The following MAP3K10 variants were observed in gnomAD, a reference collection of about 807,000 sequenced individuals.
The protein encoded by MAP3K10 is mitogen-activated protein kinase kinase kinase 10.
Under a neutral mutation model 75.0 loss-of-function variants are expected in MAP3K10, and 22 were observed. That is an observed-to-expected ratio of 0.29 (90% CI 0.21 to 0.42). The LOEUF is 0.42. MAP3K10 is among the 10% of genes least tolerant of loss of function. The pLI, the probability that MAP3K10 is intolerant of heterozygous loss-of-function variation, is 1.00. For missense variants in MAP3K10, 1,165 were observed against 1,379.8 expected, an observed-to-expected ratio of 0.84 and a Z score of 2.47; for synonymous variants, 599 against 612.9, an observed-to-expected ratio of 0.98 and a Z score of 0.34.
rs1972823335 is a variant in MAP3K10, at chr19:40,191,994, G to A, written c.-38G>A. ...GCCCTCTGCATCCCGCGGGCAGCCT[G>A]TGTGAAGCGGCCTCCCGCAGCCCCC... is the stretch of plus-strand genomic sequence containing the variant. On this transcript the variant is annotated 5_prime_UTR_variant, in exon 1 of 10. In the 5' UTR this introduces an upstream ATG that the reference lacks. Transcript: ENST00000253055. 2.2e-6 allele frequency: 3 copies of A among 1,342,466 alleles called. No homozygotes were observed. Among genetic ancestry groups the A allele is most frequent in the Non-Finnish European group, 2.9e-6 (3 of 1,029,774 alleles). The allele number at this position is 1,342,466 out of a possible 1,614,324, so 83.2% of individuals were successfully genotyped here.
chr19:40,214,002 T>TACC lies in MAP3K10; in HGVS notation c.2323_2324insACC (p.Ser775delinsTyrPro). The TACC allele has an allele frequency of 1.1e-5, 17 of 1,493,658 alleles. No homozygotes were observed. Among genetic ancestry groups the TACC allele is most frequent in the East Asian group, 5.3e-5 (2 of 37,788 alleles). The allele number at this position is 1,493,658 out of a possible 1,614,324, so 92.5% of individuals were successfully genotyped here. A position where few individuals can be genotyped will look rare whatever the true frequency, so the allele number is the denominator to read the frequency against. Reference sequence around the variant, plus strand: ...TGACGAGGCCGCACCGGCCGCGCCCTCCCCACCACCCTCCCCGCCCGCGCC... The same window carrying TACC: ...TGACGAGGCCGCACCGGCCGCGCCCTACCCCCCACCACCCTCCCCGCCCGCGCC... On this transcript the variant is annotated protein_altering_variant, in exon 9 of 10. Coordinates refer to ENST00000253055, the MANE Select transcript of MAP3K10 (RefSeq NM_002446.4).
rs775129430 is a variant in MAP3K10, at chr19:40,214,177, C to T, written c.2498C>T (p.Ala833Val). Residue 833 changes from alanine (A) to valine (V), a missense_variant, in exon 9 of 10, where the codon GCG (alanine) becomes GTG (valine). Ala to Val is a moderately conservative substitution (Grantham distance 64, BLOSUM62 0). Coordinates refer to ENST00000253055, the MANE Select transcript of MAP3K10 (RefSeq NM_002446.4). Reference protein sequence around the residue: ...RGHRRTPSDGALGQRGPPEPA... With the variant: ...RGHRRTPSDGVLGQRGPPEPA... ...CACCGGCGGACGCCATCGGACGGGGCGCTGGGGCAGCGGGGGCCGCCCGAG... is the reference window on the plus strand; with the variant it reads ...CACCGGCGGACGCCATCGGACGGGGTGCTGGGGCAGCGGGGGCCGCCCGAG... 2 of 1,484,384 alleles carry T rather than the reference C, an allele frequency of 1.3e-6. No homozygotes were observed. Among genetic ancestry groups the T allele is most frequent in the Non-Finnish European group, 1.8e-6 (2 of 1,126,996 alleles). 92.0% of individuals were successfully genotyped at this position (1,484,384 alleles called of 1,614,324 possible). A position where few individuals can be genotyped will look rare whatever the true frequency, so the allele number is the denominator to read the frequency against.
Position 40,213,301 on chromosome 19 carries a change from C to T in MAP3K10, c.1837+113C>T. The T allele has an allele frequency of 6.9e-7, 1 of 1,451,896 alleles. No homozygotes were observed. Among genetic ancestry groups the T allele is most frequent in the Non-Finnish European group, 9.0e-7 (1 of 1,105,916 alleles). 89.9% of individuals were successfully genotyped at this position (1,451,896 alleles called of 1,614,324 possible). A position where few individuals can be genotyped will look rare whatever the true frequency, so the allele number is the denominator to read the frequency against. On this transcript the variant is annotated intron_variant, in intron 8 of 9. Coordinates refer to ENST00000253055, the MANE Select transcript of MAP3K10 (RefSeq NM_002446.4). This position sits in a 1 kb window ranked among gnomAD's most constrained non-coding sequence, Gnocchi z 5.7. ...CTGGGCCAGTGAGTGGAAGGCCTTCCTGGGAAGGGAGATGGTGGCCCCTGG... is the reference window on the plus strand; with the variant it reads ...CTGGGCCAGTGAGTGGAAGGCCTTCTTGGGAAGGGAGATGGTGGCCCCTGG...
Position 40,204,395 on chromosome 19 carries a change from G to A in MAP3K10, c.864-90G>A. 1 of 1,448,722 alleles carries A rather than the reference G, an allele frequency of 6.9e-7. No homozygotes were observed. The highest frequency in any genetic ancestry group is 1.3e-5 in the South Asian group (1 of 76,038). The allele number at this position is 1,448,722 out of a possible 1,614,324, so 89.7% of individuals were successfully genotyped here. ...GCCGGGGGTGGCTGTTGGGGTGAGGGCAGCCCTGCATGGGACCAAGGGCAG... is the reference window on the plus strand; with the variant it reads ...GCCGGGGGTGGCTGTTGGGGTGAGGACAGCCCTGCATGGGACCAAGGGCAG... On this transcript the variant is annotated intron_variant, in intron 2 of 9. Coordinates refer to ENST00000253055, the MANE Select transcript of MAP3K10 (RefSeq NM_002446.4). This position sits in a 1 kb window ranked among gnomAD's most constrained non-coding sequence, Gnocchi z 4.3.
Position 40,204,438 on chromosome 19 carries a change from G to A in MAP3K10, c.864-47G>A. On this transcript the variant is annotated intron_variant, in intron 2 of 9. Transcript: ENST00000253055. The surrounding 1 kb of genome is among the most constrained non-coding windows in gnomAD (Gnocchi z 4.3). Reference sequence around the variant, plus strand: ...AAGGGCAGGGCTGGGTATAGGTGAGGATTGGGGTGGGCTGCGACATCACCC... The same window carrying A: ...AAGGGCAGGGCTGGGTATAGGTGAGAATTGGGGTGGGCTGCGACATCACCC... 6.3e-7 allele frequency: 1 copy of A among 1,591,412 alleles called. No homozygotes were observed. Among genetic ancestry groups the A allele is most frequent in the Non-Finnish European group, 8.5e-7 (1 of 1,170,878 alleles).
chr19:40,213,709 G>A lies in MAP3K10; in HGVS notation c.2030G>A (p.Gly677Asp). The A allele has an allele frequency of 9.3e-7, 1 of 1,075,248 alleles. No homozygotes were observed. Among genetic ancestry groups the A allele is most frequent in the Non-Finnish European group, 1.1e-6 (1 of 887,026 alleles). The allele number at this position is 1,075,248 out of a possible 1,614,324, so 66.6% of individuals were successfully genotyped here. A position where few individuals can be genotyped will look rare whatever the true frequency, so the allele number is the denominator to read the frequency against. The part of the protein sequence containing the change: ...ARRRCDLALL[G>D]CATLLGAVGL... The stretch of plus-strand genomic sequence containing the variant: ...CGGCGCTGCGACCTGGCGCTGCTAG[G>A]CTGCGCCACGCTGCTGGGGGCTGTG... The change falls in exon 9 of 10, where the codon GGC (glycine) becomes GAC (aspartate). Residue 677 changes from glycine to aspartate, a missense_variant. Transcript: ENST00000253055. This position sits in a 1 kb window ranked among gnomAD's most constrained non-coding sequence, Gnocchi z 5.7.
rs892368448 is a variant in MAP3K10, at chr19:40,214,869, C to T, written c.2543-101C>T. On this transcript the variant is annotated intron_variant, in intron 9 of 9. Transcript: ENST00000253055. Reference sequence around the variant, plus strand: ...GATGCAGCAAGATCCACGGATTTCTCGAGAGAAACCAGAACTTGTGCTTTT... The same window carrying T: ...GATGCAGCAAGATCCACGGATTTCTTGAGAGAAACCAGAACTTGTGCTTTT... 9 of 646,730 alleles carry T rather than the reference C, an allele frequency of 1.4e-5. 1 individual carries two copies. Among genetic ancestry groups the T allele is most frequent in the South Asian group, 7.2e-5 (4 of 55,330 alleles). 40.1% of individuals were successfully genotyped at this position (646,730 alleles called of 1,614,324 possible).
In MAP3K10 at chr19:40,204,339, G is replaced by A; in HGVS notation, c.864-146G>A. 1.3e-6 allele frequency: 1 copy of A among 776,880 alleles called. No homozygotes were observed. Among genetic ancestry groups the A allele is most frequent in the South Asian group, 2.1e-5 (1 of 46,978 alleles). 48.1% of individuals were successfully genotyped at this position (776,880 alleles called of 1,614,324 possible). On this transcript the variant is annotated intron_variant, in intron 2 of 9. Coordinates refer to ENST00000253055, the MANE Select transcript of MAP3K10 (RefSeq NM_002446.4). The surrounding 1 kb of genome is among the most constrained non-coding windows in gnomAD (Gnocchi z 4.3). ...CCATCTATTGGAGAACAAGGCCATG[G>A]AGGTCAAAGCAAGTTCTTGTGACCT... is the stretch of plus-strand genomic sequence containing the variant.
At chr19:40,197,121 C>T (rs900248017) in intron 1 of MAP3K10, among the ~76,000 whole-genome samples, 8 of 152,188 alleles carry the variant, frequency 5.3e-5, no homozygotes, top group Non-Finnish European at 1.2e-4. Context: ...AGGCTGGGCT[C>T]AGCTGGAGAG....
At position 40,191,798 on chromosome 19, in the gene MAP3K10, C is replaced by T. The variant is rs1375018664; in HGVS notation, c.-234C>T. On this transcript the variant is annotated 5_prime_UTR_variant, in exon 1 of 10. Coordinates refer to ENST00000253055, the MANE Select transcript of MAP3K10 (RefSeq NM_002446.4). ...CGTTTGGGGGGCACGGGTGAACCTG[C>T]CGCCCCACTCCCACCCCGCCCCGCC... is the stretch of plus-strand genomic sequence containing the variant. 3.5e-6 allele frequency: 1 copy of T among 284,018 alleles called. No homozygotes were observed. The highest frequency in any genetic ancestry group is 6.5e-6 in the Non-Finnish European group (1 of 153,630). 17.6% of individuals were successfully genotyped at this position (284,018 alleles called of 1,614,324 possible).
Position 40,212,421 on chromosome 19 carries a change from C to T in MAP3K10, c.1553-384C>T, listed in dbSNP as rs1973257028. ...CCCATACCATGGCAGCAAACACTGGCACCAGATAGGTCCAGAGCATTGCAG... is the reference window on the plus strand; with the variant it reads ...CCCATACCATGGCAGCAAACACTGGTACCAGATAGGTCCAGAGCATTGCAG... On this transcript the variant is annotated intron_variant, in intron 6 of 9. Transcript: ENST00000253055. This position sits in a 1 kb window ranked among gnomAD's most constrained non-coding sequence, Gnocchi z 4.2. 6.6e-6 allele frequency among the ~76,000 whole-genome samples: 1 copy of T among 152,180 alleles called. No individual in the cohort carries two copies. Among genetic ancestry groups the T allele is most frequent in the African/African-American group, 2.4e-5 (1 of 41,436 alleles).
In MAP3K10 at chr19:40,213,551, C is replaced by T. The variant is rs771698539; in HGVS notation, c.1872C>T (p.Ser624=). Residue 624 remains serine (S), a synonymous_variant, in exon 9 of 10, where the codon AGC becomes AGT. Transcript: ENST00000253055. The surrounding 1 kb of genome is among the most constrained non-coding windows in gnomAD (Gnocchi z 5.7). ...EFAEAEDGGS[S]VPPSPYSTPS... ...CGGAGGCAGAGGATGGAGGCAGCAGCGTGCCCCCTTCCCCCTACTCGACCC... is the reference window on the plus strand; with the variant it reads ...CGGAGGCAGAGGATGGAGGCAGCAGTGTGCCCCCTTCCCCCTACTCGACCC... 2.5e-6 allele frequency: 4 copies of T among 1,611,516 alleles called. No homozygotes were observed. The highest frequency in any genetic ancestry group is 2.2e-5 in the South Asian group (2 of 90,994).
In MAP3K10 at chr19:40,207,608, G is replaced by A. The variant is rs112878209; in HGVS notation, c.1435+1451G>A. 2.2e-3 allele frequency among the ~76,000 whole-genome samples: 334 copies of A among 152,150 alleles called. 2 individuals carry two copies. Among genetic ancestry groups the A allele is most frequent in the African/African-American group, 7.8e-3 (325 of 41,516 alleles). On this transcript the variant is annotated intron_variant, in intron 5 of 9. Coordinates refer to ENST00000253055, the MANE Select transcript of MAP3K10 (RefSeq NM_002446.4). ...AAATTAGCCGGGCGTGGTGGCGCAT[G>A]CCTGTAATCCCAGCTACTCAGGAGG...
At chr19:40,199,005 T>C (rs1972968683) in intron 2 of MAP3K10, among the ~76,000 whole-genome samples, 1 of 152,096 alleles carries the variant, frequency 6.6e-6, no homozygotes, top group African/African-American at 2.4e-5. Context: ...GAGGCAGAGA[T>C]TGCAGTGGGC....
chr19:40,205,396 T>A lies in MAP3K10; in HGVS notation c.1188+100T>A. 1 of 1,314,956 alleles carries A rather than the reference T, an allele frequency of 7.6e-7. No homozygotes were observed. The highest frequency in any genetic ancestry group is 2.2e-5 in the Admixed American group (1 of 45,732). 81.5% of individuals were successfully genotyped at this position (1,314,956 alleles called of 1,614,324 possible). ...CCTCCCCTGAACCCCAGCCTTTGGG[T>A]CCATGCAGGGTCAAGGGAGCCTTTT... On this transcript the variant is annotated intron_variant, in intron 4 of 9. Coordinates refer to ENST00000253055, the MANE Select transcript of MAP3K10 (RefSeq NM_002446.4). The surrounding 1 kb of genome is among the most constrained non-coding windows in gnomAD (Gnocchi z 4.3).
At chr19:40,214,622 G>C (rs538563045) in intron 9 of MAP3K10, among the ~76,000 whole-genome samples, 8 of 152,274 alleles carry the variant, frequency 5.3e-5, no homozygotes, top group Non-Finnish European at 7.4e-5. Context: ...CACCTGCGTG[G>C]TGAGGCACCA....
At position 40,214,145 on chromosome 19, in the gene MAP3K10, C is replaced by T; in HGVS notation, c.2466C>T (p.Ser822=). 1 of 1,541,122 alleles carries T rather than the reference C, an allele frequency of 6.5e-7. No individual in the cohort carries two copies. The highest frequency in any genetic ancestry group is 8.7e-7 in the Non-Finnish European group (1 of 1,152,756). ...ACGTCACGGCTGCATGCGCTGTGAGCCGCGGGCACCGGCGGACGCCATCGG... is the reference window on the plus strand; with the variant it reads ...ACGTCACGGCTGCATGCGCTGTGAGTCGCGGGCACCGGCGGACGCCATCGG... ...PTHVTAACAV[S]RGHRRTPSDG... is the part of the protein sequence containing the mutation. Residue 822 remains serine (S), a synonymous_variant, in exon 9 of 10, where the codon AGC becomes AGT. Transcript: ENST00000253055.
Position 40,209,010 on chromosome 19 carries a change from T to C in MAP3K10, c.1436-93T>C, listed in dbSNP as rs906482555. The C allele has an allele frequency of 7.8e-6, 7 of 897,296 alleles. No individual in the cohort carries two copies. The African/African-American group carries it at 1.2e-4, about 15-fold the overall frequency. The allele number at this position is 897,296 out of a possible 1,614,324, so 55.6% of individuals were successfully genotyped here. On this transcript the variant is annotated intron_variant, in intron 5 of 9. Coordinates refer to ENST00000253055, the MANE Select transcript of MAP3K10 (RefSeq NM_002446.4). Reference sequence around the variant, plus strand: ...GGAATGAAAAATGGCGGTGTTCCCATTCTAGAATTCCTTCTCTACTTCTAC... The same window carrying C: ...GGAATGAAAAATGGCGGTGTTCCCACTCTAGAATTCCTTCTCTACTTCTAC...
At chr19:40,211,406 T>C (rs1303702010) in intron 6 of MAP3K10, among the ~76,000 whole-genome samples, 1 of 151,606 alleles carries the variant, frequency 6.6e-6, no homozygotes, top group East Asian at 1.9e-4. Flanking sequence ...GGGGTACGTG[T>C]GCAGGATGTG....
Sources: allele counts gnomAD v4.1 joint callset (sites outside exome capture counted in the v4.1 genomes callset), GRCh38; gene constraint gnomAD v4.1.1; non-coding constraint Gnocchi (gnomAD v3.1); transcripts MANE v1.5; gene names NCBI Gene and HGNC (gene_info 2026-07-23, HGNC 2026-07-21).